IMPA1: variants seen among roughly 807,000 people sequenced by gnomAD.
IMPA1 encodes the protein inositol monophosphatase 1.
IMPA1 carries 21 observed loss-of-function variants against 34.9 expected under a neutral mutation model. The observed-to-expected ratio is 0.60, with a 90% CI of 0.43 to 0.87. IMPA1 has a LOEUF of 0.87. Among genes scored for constraint, IMPA1 ranks in the 40% least tolerant of loss-of-function variants. IMPA1 has a pLI of 0.00. For missense variants in IMPA1, 299 were observed against 336.4 expected (o/e 0.89, Z 0.87); for synonymous variants, 95 against 104.4 (o/e 0.91, Z 0.55).
At chr8:81,673,804 C>A in intron 6 of IMPA1, 37 bp downstream of exon 6, 1 of 1,126,016 alleles carries the variant, frequency 8.9e-7, no homozygotes, top group Non-Finnish European at 1.4e-6. Flanking sequence ...ATTGAGCACA[C>A]AATATGAATA....
chr8:81,666,434 A>G (rs1006546792), intron 7 of IMPA1, among the ~76,000 whole-genome samples: 11 of 152,258 alleles, frequency 7.2e-5, no homozygotes, highest in African/African-American at 2.7e-4. Context: ...GGCCTAACCT[A>G]TCTGTTAAAA....
intron 7 of IMPA1, among the ~76,000 whole-genome samples, chr8:81,662,944 A>G (rs1165147072): frequency 6.6e-6 from 1 of 152,138 alleles, no homozygotes; most frequent in East Asian, 1.9e-4. Flanking sequence ...CTATTAGACT[A>G]TTTCTGCTTA....
At chr8:81,674,830 A>G (rs1392672747) in intron 5 of IMPA1, 1 of 455,574 alleles carries the variant, frequency 2.2e-6, no homozygotes, top group Non-Finnish European at 4.4e-6. Flanking sequence ...ACGGTTCCAA[A>G]CCTAGTCTTG....
At chr8:81,666,869 C>CCAAAA (rs1806841700) in intron 7 of IMPA1, among the ~76,000 whole-genome samples, 1 of 39,340 alleles carries the variant, frequency 2.5e-5, no homozygotes, top group African/African-American at 8.8e-5. Context: ...GACTCTGTCT[C>CCAAAA]AAAAAAAAAA....
chr8:81,680,730 T>C lies in IMPA1; in HGVS notation c.117A>G (p.Pro39=), dbSNP rs761703385. 1 of 1,610,930 alleles carries C rather than the reference T, an allele frequency of 6.2e-7. No individual in the cohort carries two copies. Among genetic ancestry groups the C allele is most frequent in the Non-Finnish European group, 8.5e-7 (1 of 1,177,238 alleles). The part of the protein sequence containing the change: ...NEMNVMLKSS[P]VDLVTATDQK... ...GGTCCGTAGCAGTTACCAAATCAAC[T>C]GGAGAACTTTTCAGCATAACATTCA... Residue 39 remains proline (P), a synonymous_variant, in exon 3 of 9, where the codon CCA becomes CCG. Coordinates refer to ENST00000256108, the MANE Select transcript of IMPA1 (RefSeq NM_005536.4).
At chr8:81,662,177 C>CAGAT (rs1235262083) in intron 7 of IMPA1, among the ~76,000 whole-genome samples, 12 of 152,074 alleles carry the variant, frequency 7.9e-5, no homozygotes, top group Admixed American at 7.9e-4. Context: ...GTTTGTTTCC[C>CAGAT]AGATAAATAA....
intron 7 of IMPA1, among the ~76,000 whole-genome samples, chr8:81,665,671 T>C (rs1806800408): frequency 6.6e-6 from 1 of 152,114 alleles, no homozygotes; most frequent in South Asian, 2.1e-4. Flanking sequence ...GATATATCCT[T>C]TAAAAACTGT....
At position 81,679,237 on chromosome 8, in the gene IMPA1, G is replaced by C; in HGVS notation, c.198-7C>G. ...AGATTCTTCACCAATGAAACTAAAA[G>C]CCAAGTAGGACAAACTCTTAATCTT... On this transcript the variant is annotated splice_region_variant and splice_polypyrimidine_tract_variant and intron_variant, in intron 3 of 8. Transcript: ENST00000256108. 6.4e-7 allele frequency: 1 copy of C among 1,573,756 alleles called. No homozygotes were observed. The highest frequency in any genetic ancestry group is 8.7e-7 in the Non-Finnish European group (1 of 1,143,330).
At chr8:81,680,578 C>T (rs933962733) in intron 3 of IMPA1, 72 bp downstream of exon 3, 1 of 1,147,456 alleles carries the variant, frequency 8.7e-7, no homozygotes, top group African/African-American at 1.5e-5. Context: ...TGTAGTCAAG[C>T]TACTCTCATA....
intron 3 of IMPA1, among the ~76,000 whole-genome samples, chr8:81,679,615 G>GAA (rs35868443): frequency 0.032 from 4,334 of 133,984 alleles, 119 homozygotes; most frequent in African/African-American, 0.075. Flanking sequence ...TCTGTCTCAG[G>GAA]AAAAAAAAAA....
intron 7 of IMPA1, among the ~76,000 whole-genome samples, chr8:81,667,978 C>G (rs979365518): frequency 1.3e-5 from 2 of 152,022 alleles, no homozygotes; most frequent in African/African-American, 4.8e-5. Flanking sequence ...CGCCCGCCAC[C>G]ACGCCTGGCT....
intron 1 of IMPA1, among the ~76,000 whole-genome samples, chr8:81,682,416 T>G (rs1165982061): frequency 1.3e-5 from 2 of 152,086 alleles, no homozygotes; most frequent in African/African-American, 4.8e-5. Flanking sequence ...AGACACAGAG[T>G]TACATCTTGA....
intron 7 of IMPA1, among the ~76,000 whole-genome samples, chr8:81,667,996 TG>T (rs2130266830): frequency 6.6e-6 from 1 of 152,084 alleles, no homozygotes; most frequent in Non-Finnish European, 1.5e-5. Flanking sequence ...GCTAATTTTT[TG>T]TATTTTTAGT....
intron 3 of IMPA1, among the ~76,000 whole-genome samples, chr8:81,679,793 GCA>G (rs1807239000): frequency 1.3e-5 from 2 of 152,034 alleles, no homozygotes; most frequent in African/African-American, 4.8e-5. Flanking sequence ...TAAGGTGTGT[GCA>G]CACACACATT....
chr8:81,676,371 A>G, intron 4 of IMPA1, 92 bp from the exon 5 acceptor site: 1 of 595,152 alleles, frequency 1.7e-6, no homozygotes, highest in Non-Finnish European at 2.7e-6. Context: ...TGTTCTTAAA[A>G]TTTTTCCTAT....
chr8:81,683,736 G>C (rs1221679181), intron 1 of IMPA1, among the ~76,000 whole-genome samples: 1 of 152,070 alleles, frequency 6.6e-6, no homozygotes, highest in Non-Finnish European at 1.5e-5. Context: ...CCTCCATGTA[G>C]AAACATGTAA....
chr8:81,673,377 C>A (rs768677242), intron 6 of IMPA1, among the ~76,000 whole-genome samples: 1 of 152,192 alleles, frequency 6.6e-6, no homozygotes, highest in East Asian at 1.9e-4. Context: ...AACACCGCCC[C>A]CTTCCCCACT....
intron 8 of IMPA1, 25 bp from the exon 9 acceptor site, chr8:81,659,491 T>A: frequency 8.1e-7 from 1 of 1,232,446 alleles, no homozygotes; most frequent in Non-Finnish European, 1.2e-6. Context: ...GTATGAAAAA[T>A]AATTTTATCT....
intron 1 of IMPA1, among the ~76,000 whole-genome samples, chr8:81,685,600 A>G (rs1222931239): frequency 2.2e-5 from 3 of 138,052 alleles, no homozygotes; most frequent in Admixed American, 7.4e-5. Flanking sequence ...TGTACTATAT[A>G]TAAGTATATA....
Sources: gnomAD v4.1 joint callset for allele counts (sites outside exome capture counted in the v4.1 genomes callset) on GRCh38, gnomAD v4.1.1 for gene constraint, MANE v1.5 for transcripts, NCBI Gene and HGNC (gene_info 2026-07-23, HGNC 2026-07-21) for gene names.